The following DLGAP1 variants were observed in gnomAD, a reference collection of about 807,000 sequenced individuals.
DLGAP1 encodes the protein DLG associated protein 1.
Under a neutral mutation model 90.8 loss-of-function variants are expected in DLGAP1, and 11 were observed. The ratio of observed to expected loss-of-function variants is 0.12; its 90% CI spans 0.08 to 0.20. The LOEUF (loss-of-function observed/expected upper bound fraction) is 0.20, where lower values mean the gene tolerates loss of function less well. DLGAP1 is among the 10% of genes least tolerant of loss of function. The pLI, the probability that DLGAP1 is intolerant of heterozygous loss-of-function variation, is 1.00. For synonymous variants in DLGAP1, 558 were observed against 540.7 expected, an observed-to-expected ratio of 1.03 and a Z score of -0.44; for missense variants, 1,050 against 1,333.8, an observed-to-expected ratio of 0.79 and a Z score of 3.31.
chr18:3,611,116 A>G (rs2057600382), intron 7 of DLGAP1, among the ~76,000 whole-genome samples: 1 of 151,770 alleles, frequency 6.6e-6, no homozygotes, highest in Admixed American at 6.6e-5. Flanking sequence ...TGGGCGATAG[A>G]GCAAGACCCT....
chr18:4,369,446 G>A lies in DLGAP1; in HGVS notation c.-267+85560C>T, dbSNP rs552430362. 4.6e-5 allele frequency among the ~76,000 whole-genome samples: 7 copies of A among 152,092 alleles called. No individual in the cohort carries two copies. In the East Asian group the frequency reaches 7.7e-4, roughly 17 times the overall value. ...ACTAGAATCATTCCCCAATGCCTTC[G>A]TTACCACAACTGTTATTTCTTTTTT... On this transcript the variant is annotated intron_variant, in intron 1 of 12. Transcript: ENST00000315677.
intron 7 of DLGAP1, among the ~76,000 whole-genome samples, chr18:3,629,236 G>A (rs73381295): frequency 1.3e-5 from 2 of 152,134 alleles, no homozygotes; most frequent in African/African-American, 4.8e-5. Flanking sequence ...AACACAGCAA[G>A]ACGCCATCTC....
chr18:3,503,038 T>C (rs1471700884), intron 11 of DLGAP1, among the ~76,000 whole-genome samples: 4 of 152,170 alleles, frequency 2.6e-5, no homozygotes, highest in Non-Finnish European at 5.9e-5. Flanking sequence ...TTCCACTACA[T>C]GCCATACAAT....
intron 1 of DLGAP1, among the ~76,000 whole-genome samples, chr18:4,296,238 T>C (rs913599563): frequency 1.3e-5 from 2 of 152,136 alleles, no homozygotes; most frequent in African/African-American, 4.8e-5. Flanking sequence ...AACAGTACAT[T>C]TTCTGAAGAC....
chr18:4,058,295 G>C (rs1201454442), intron 2 of DLGAP1, among the ~76,000 whole-genome samples: 1 of 152,110 alleles, frequency 6.6e-6, no homozygotes, highest in African/African-American at 2.4e-5. Context: ...TGTGTGCCCG[G>C]GGCTCTTGTT....
At chr18:3,924,354 G>C (rs916763253) in intron 3 of DLGAP1, among the ~76,000 whole-genome samples, 1 of 152,174 alleles carries the variant, frequency 6.6e-6, no homozygotes, top group Non-Finnish European at 1.5e-5. Flanking sequence ...TCTCCCAGGT[G>C]TGGTGCCCTA....
In DLGAP1 at chr18:3,826,688, T is replaced by TACA. The variant is rs1213383749; in HGVS notation, c.958-12416_958-12415insTGT. 8.5e-5 allele frequency among the ~76,000 whole-genome samples: 13 copies of TACA among 152,112 alleles called. 1 individual carries two copies. The East Asian group carries it at 2.5e-3, about 29-fold the overall frequency. On this transcript the variant is annotated intron_variant, in intron 4 of 12. Transcript: ENST00000315677. ...CCATTTCAGGAGGCTTTACAGGCTG[T>TACA]GGTAAGGGCTGTGGCATGTACTTGG... is the stretch of plus-strand genomic sequence containing the variant.
intron 1 of DLGAP1, among the ~76,000 whole-genome samples, chr18:4,337,193 CTT>C (rs201042095): frequency 1.6e-3 from 142 of 91,064 alleles, no homozygotes; most frequent in African/African-American, 2.9e-3. Flanking sequence ...CAATAGTTGG[CTT>C]TTTTTTTTTT....
chr18:4,101,750 T>A (rs1254326892), intron 2 of DLGAP1, among the ~76,000 whole-genome samples: 1 of 152,096 alleles, frequency 6.6e-6, no homozygotes, highest in Non-Finnish European at 1.5e-5. Flanking sequence ...CTTCCAGTGT[T>A]TCCTAATGCC....
At chr18:3,511,210 G>A (rs1485450913) in intron 10 of DLGAP1, among the ~76,000 whole-genome samples, 1 of 152,114 alleles carries the variant, frequency 6.6e-6, no homozygotes, top group African/African-American at 2.4e-5. Context: ...ATATTTCCTT[G>A]TCCTCCACAC....
intron 5 of DLGAP1, among the ~76,000 whole-genome samples, chr18:3,771,661 G>A (rs1186265290): frequency 6.6e-6 from 1 of 152,210 alleles, no homozygotes; most frequent in Non-Finnish European, 1.5e-5. Context: ...GTTTGACGTT[G>A]GTGACTTAAT....
At chr18:3,885,076 C>A (rs536615619) in intron 3 of DLGAP1, among the ~76,000 whole-genome samples, 12 of 152,296 alleles carry the variant, frequency 7.9e-5, no homozygotes, top group African/African-American at 2.9e-4. Context: ...GGCAAATGAT[C>A]TAAAATCCTA....
At position 3,496,077 on chromosome 18, in the gene DLGAP1, G is replaced by A. The variant is rs1334580078; in HGVS notation, c.*3108C>T. ...ATTAATTTCTTCTTTTTACATTATG[G>A]GAAACATTCATCTATTTACAATATT... On this transcript the variant is annotated 3_prime_UTR_variant, in exon 13 of 13. Transcript: ENST00000315677. The A allele has an allele frequency of 6.6e-6, 1 of 152,010 alleles. No individual in the cohort carries two copies. The highest frequency in any genetic ancestry group is 2.4e-5 in the African/African-American group (1 of 41,366). The allele number at this position is 152,010 out of a possible 1,614,324, so 9.4% of individuals were successfully genotyped here.
intron 7 of DLGAP1, among the ~76,000 whole-genome samples, chr18:3,690,094 G>GTGT (rs1555629730): frequency 6.8e-5 from 8 of 116,890 alleles, no homozygotes; most frequent in South Asian, 2.6e-4. Flanking sequence ...GCTGGGTGAG[G>GTGT]TTTTTTTTTT....
intron 10 of DLGAP1, among the ~76,000 whole-genome samples, chr18:3,530,540 C>G (rs2051923264): frequency 6.6e-6 from 1 of 152,208 alleles, no homozygotes; most frequent in African/African-American, 2.4e-5. Flanking sequence ...TGAGCAGTGG[C>G]ACGGGATGTC....
At chr18:3,946,686 T>A (rs2072884698) in intron 3 of DLGAP1, among the ~76,000 whole-genome samples, 1 of 152,148 alleles carries the variant, frequency 6.6e-6, no homozygotes. Flanking sequence ...ATTAATTTGG[T>A]CTCTAACTAA....
At chr18:3,700,590 CATTTT>C (rs1273074094) in intron 7 of DLGAP1, among the ~76,000 whole-genome samples, 8 of 148,464 alleles carry the variant, frequency 5.4e-5, no homozygotes, top group African/African-American at 2.1e-4. Context: ...AGCCACCTAG[CATTTT>C]ATTTTATTTT....
intron 7 of DLGAP1, among the ~76,000 whole-genome samples, chr18:3,623,986 C>CA (rs2058200638): frequency 6.6e-6 from 1 of 152,116 alleles, no homozygotes; most frequent in South Asian, 2.1e-4. Context: ...GCTGGGCTTC[C>CA]ACATCATCCA....
chr18:4,170,027 G>A (rs2076996882), intron 1 of DLGAP1, among the ~76,000 whole-genome samples: 1 of 152,166 alleles, frequency 6.6e-6, no homozygotes, highest in Admixed American at 6.5e-5. Context: ...GGCGGGGACA[G>A]ACTGTTAGGG....
Sources: gnomAD v4.1 joint callset for allele counts (sites outside exome capture counted in the v4.1 genomes callset) on GRCh38, gnomAD v4.1.1 for gene constraint, MANE v1.5 for transcripts, NCBI Gene and HGNC (gene_info 2026-07-23, HGNC 2026-07-21) for gene names.